The following OTOGL variants were observed in gnomAD, a reference collection of about 807,000 sequenced individuals.
OTOGL encodes the protein otogelin like.
In OTOGL, 285 loss-of-function variants were observed where a neutral mutation model predicts 318.5. The ratio of observed to expected loss-of-function variants is 0.89; its 90% CI spans 0.81 to 0.99. The LOEUF is 0.99. Ranked by LOEUF, OTOGL falls within the 50% of genes least tolerant of loss-of-function variation. The probability of loss-of-function intolerance (pLI) is 0.00; values close to 1 mark genes in which losing one functional copy is unlikely to be tolerated. For missense variants in OTOGL, 2,899 were observed against 2,845.6 expected, an observed-to-expected ratio of 1.02 and a Z score of -0.43; for synonymous variants, 987 against 936.5, an observed-to-expected ratio of 1.05 and a Z score of -0.99.
At chr12:80,150,014 C>G (rs898737068) in intron 1 of OTOGL, among the ~76,000 whole-genome samples, 14 of 152,222 alleles carry the variant, frequency 9.2e-5, no homozygotes, top group African/African-American at 3.4e-4. Flanking sequence ...CACCCATCTT[C>G]TGCGTCGCTC....
intron 24 of OTOGL, among the ~76,000 whole-genome samples, chr12:80,272,236 G>C (rs776650875): frequency 1.1e-4 from 16 of 152,104 alleles, no homozygotes; most frequent in Non-Finnish European, 1.9e-4. Context: ...GTGGGTAAGA[G>C]TGGGAGCTCT....
intron 57 of OTOGL, among the ~76,000 whole-genome samples, chr12:80,373,340 G>T (rs555259840): frequency 2.0e-5 from 3 of 152,230 alleles, no homozygotes; most frequent in Admixed American, 2.0e-4. Context: ...GCTGAGGCAG[G>T]AGAATCACTT....
chr12:80,356,090 TA>T, intron 47 of OTOGL, 142 bp downstream of exon 47: 1 of 938,336 alleles, frequency 1.1e-6, no homozygotes, highest in South Asian at 1.6e-5. Flanking sequence ...TTTGTTTCAT[TA>T]CAATTCTGTT....
At chr12:80,282,510 G>T (rs919989997) in intron 26 of OTOGL, among the ~76,000 whole-genome samples, 1 of 151,398 alleles carries the variant, frequency 6.6e-6, no homozygotes, top group African/African-American at 2.4e-5. Flanking sequence ...TAATTATAAC[G>T]GATGGTAAGT....
At chr12:80,110,212 C>A (rs529632330) in intron 1 of OTOGL, among the ~76,000 whole-genome samples, 1 of 151,820 alleles carries the variant, frequency 6.6e-6, no homozygotes, top group African/African-American at 2.4e-5. Flanking sequence ...GGACTACAGG[C>A]GCCCGCCACC....
rs561401128 is a variant in OTOGL, at chr12:80,292,401, C to G, written c.2929-4426C>G. On this transcript the variant is annotated intron_variant, in intron 26 of 58. Coordinates refer to ENST00000547103, the MANE Select transcript of OTOGL (RefSeq NM_001378609.3). The stretch of plus-strand genomic sequence containing the variant: ...TTAGTTCAGTCCCATGCAGTTAACT[C>G]TTGTTCTGCCCAGTATTGGGCCAGC... Among the ~76,000 whole-genome samples the G allele has an allele frequency of 7.2e-5, 11 of 152,334 alleles. No homozygotes were observed. In the East Asian group the frequency reaches 2.1e-3, roughly 29 times the overall value.
chr12:80,355,847 A>G lies in OTOGL; in HGVS notation c.5705A>G (p.Glu1902Gly), dbSNP rs1220997600. Residue 1902 changes from glutamate to glycine, a missense_variant, in exon 47 of 59, where the codon GAA becomes GGA. This residue lies in a region of OTOGL where 2,607 missense variants were observed against 2,524.9 expected (regional missense o/e 1.03). Transcript: ENST00000547103. Reference sequence around the variant, plus strand: ...GAGAATGGAAGCATTATCCCTATAGAACCTGACTGTGATGAAGAGCCCACG... The same window carrying G: ...GAGAATGGAAGCATTATCCCTATAGGACCTGACTGTGATGAAGAGCCCACG... ...CLENGSIIPI[E>G]PDCDEEPTPV... 1.9e-6 allele frequency: 3 copies of G among 1,613,946 alleles called. No individual in the cohort carries two copies. The highest frequency in any genetic ancestry group is 2.5e-6 in the Non-Finnish European group (3 of 1,179,840).
chr12:80,352,061 T>C (rs997133128), intron 44 of OTOGL, among the ~76,000 whole-genome samples: 4 of 152,208 alleles, frequency 2.6e-5, no homozygotes, highest in African/African-American at 9.6e-5. Flanking sequence ...CTCTGTTTTC[T>C]TTTCCATCTT....
At chr12:80,142,755 C>G (rs960231496) in intron 1 of OTOGL, among the ~76,000 whole-genome samples, 3 of 152,038 alleles carry the variant, frequency 2.0e-5, no homozygotes, top group Non-Finnish European at 4.4e-5. Flanking sequence ...GGATTGTGTT[C>G]TGTGGTTGGG....
At position 80,358,953 on chromosome 12, in the gene OTOGL, C is replaced by T. The variant is rs1249400290; in HGVS notation, c.6267+53C>T. ...TCATATTTATTTAAATCTGTTTATT[C>T]TTCCTTTATCTCTCTCATTTCTAAA... On this transcript the variant is annotated intron_variant, in intron 52 of 58. Coordinates refer to ENST00000547103, the MANE Select transcript of OTOGL (RefSeq NM_001378609.3). The T allele has an allele frequency of 3.1e-6, 4 of 1,306,640 alleles. No individual in the cohort carries two copies. The African/African-American group carries it at 4.5e-5, about 15-fold the overall frequency. 80.9% of individuals were successfully genotyped at this position (1,306,640 alleles called of 1,614,324 possible).
In OTOGL at chr12:80,147,121, T is replaced by G. The variant is rs182025924; in HGVS notation, c.-20+47516T>G. Among the ~76,000 whole-genome samples, 159 of 152,142 alleles carry G rather than the reference T, an allele frequency of 1.0e-3. 3 individuals are homozygous for G. The East Asian group carries it at 0.027, about 26-fold the overall frequency. Reference sequence around the variant, plus strand: ...GCTTTTGAATGTGTTTGCTCTTGCTTTTCTAGTTGTTTTAATTGTGATGTT... The same window carrying G: ...GCTTTTGAATGTGTTTGCTCTTGCTGTTCTAGTTGTTTTAATTGTGATGTT... On this transcript the variant is annotated intron_variant, in intron 1 of 58. Transcript: ENST00000547103.
chr12:80,229,407 G>A, intron 8 of OTOGL, 29 bp downstream of exon 8: 2 of 1,573,196 alleles, frequency 1.3e-6, no homozygotes, highest in Middle Eastern at 1.7e-4. Flanking sequence ...TGAAATGTCA[G>A]TAACACCACA....
chr12:80,170,019 T>C (rs1874082075), intron 1 of OTOGL, among the ~76,000 whole-genome samples: 1 of 152,164 alleles, frequency 6.6e-6, no homozygotes, highest in African/African-American at 2.4e-5. Flanking sequence ...TTTGAGTAAA[T>C]ACCTAGGAGT....
At chr12:80,229,162 A>G (rs1879139710) in intron 7 of OTOGL, 95 bp from the exon 8 acceptor site, 1 of 1,365,590 alleles carries the variant, frequency 7.3e-7, no homozygotes, top group South Asian at 1.3e-5. Context: ...TCATGGGACT[A>G]ATGAAACTAT....
intron 1 of OTOGL, among the ~76,000 whole-genome samples, chr12:80,162,401 GA>G (rs1292880745): frequency 6.6e-6 from 1 of 152,092 alleles, no homozygotes; most frequent in East Asian, 1.9e-4. Context: ...TGGCTAGAGT[GA>G]AGTTAGCTCT....
chr12:80,366,511 T>TAATATATATATATATATATATA (rs1555304842), intron 52 of OTOGL, 63 bp from the exon 53 acceptor site: 1 of 171,304 alleles, frequency 5.8e-6, no homozygotes. Context: ...TATATATAGG[T>TAATATATATATATATATATATA]TATATATATA....
At chr12:80,310,824 C>A in intron 30 of OTOGL, 97 bp downstream of exon 30, 2 of 914,214 alleles carry the variant, frequency 2.2e-6, no homozygotes, top group Non-Finnish European at 3.2e-6. Context: ...GATCCACTGG[C>A]TTTTTAGATA....
Position 80,341,935 on chromosome 12 carries a change from A to G in OTOGL, c.5051-13A>G, listed in dbSNP as rs769651703. The G allele has an allele frequency of 4.4e-5, 69 of 1,567,698 alleles. No individual in the cohort carries two copies. The highest frequency in any genetic ancestry group is 2.3e-4 in the Admixed American group (13 of 56,874). ...TAAGTTTTTTTCTTCTAACTGTCAT[A>G]TATTCTTTCAAGGAATTTGCAATGA... On this transcript the variant is annotated splice_polypyrimidine_tract_variant and intron_variant, in intron 43 of 58. Transcript: ENST00000547103.
chr12:80,368,474 T>G (rs1261258054), intron 55 of OTOGL, among the ~76,000 whole-genome samples, 165 bp downstream of exon 55: 1 of 151,830 alleles, frequency 6.6e-6, no homozygotes, highest in African/African-American at 2.4e-5. Context: ...TTGAAGTATC[T>G]GATAATTTAT....
Sources: allele counts gnomAD v4.1 joint callset (sites outside exome capture counted in the v4.1 genomes callset), GRCh38; gene constraint gnomAD v4.1.1; regional missense constraint gnomAD v4.1.1; transcripts MANE v1.5; gene names NCBI Gene and HGNC (gene_info 2026-07-23, HGNC 2026-07-21).